Variants in ATP11A observed in about 807,000 individuals in gnomAD.
ATP11A encodes the protein ATPase phospholipid transporting 11A.
Under a neutral mutation model 154.4 loss-of-function variants are expected in ATP11A, and 81 were observed. The ratio of observed to expected loss-of-function variants is 0.52; its 90% CI spans 0.44 to 0.63. The LOEUF (loss-of-function observed/expected upper bound fraction) is 0.63, where lower values mean the gene tolerates loss of function less well. Ranked by LOEUF, ATP11A falls within the 30% of genes least tolerant of loss-of-function variation. The pLI is 0.00. For missense variants in ATP11A, 1,316 were observed against 1,474.3 expected (o/e 0.89, Z 1.76); for synonymous variants, 623 against 585.9 (o/e 1.06, Z -0.91).
chr13:112,789,244 C>T (rs2077759398), intron 2 of ATP11A, among the ~76,000 whole-genome samples: 2 of 149,988 alleles, frequency 1.3e-5, no homozygotes, highest in African/African-American at 5.0e-5. Flanking sequence ...ACTTAATCCA[C>T]ACCGGGTGTC....
chr13:112,831,263 G>A (rs1485344971), intron 12 of ATP11A, 112 bp from the exon 13 acceptor site: 44 of 1,178,720 alleles, frequency 3.7e-5, no homozygotes, highest in East Asian at 1.3e-4. Flanking sequence ...GAAATCCACC[G>A]CCTATTCAAG....
intron 22 of ATP11A, 93 bp downstream of exon 22, chr13:112,858,383 G>T: frequency 1.5e-6 from 2 of 1,324,358 alleles, no homozygotes; most frequent in African/African-American, 2.9e-5. Flanking sequence ...GCCACAAGAG[G>T]TCATTGATCT....
At chr13:112,825,393 T>C in intron 10 of ATP11A, 37 bp from the exon 11 acceptor site, 2 of 1,568,516 alleles carry the variant, frequency 1.3e-6, no homozygotes, top group African/African-American at 2.7e-5. Context: ...GCTCATTTCC[T>C]CAGGGACCAG....
At chr13:112,714,290 C>A (rs556380499) in intron 1 of ATP11A, among the ~76,000 whole-genome samples, 1 of 152,156 alleles carries the variant, frequency 6.6e-6, no homozygotes, top group African/African-American at 2.4e-5. Flanking sequence ...CTCCCGCTGC[C>A]GCTCCAGCTG....
In ATP11A at chr13:112,815,967, A is replaced by G. The variant is rs929717060; in HGVS notation, c.442-116A>G. ...AGAGTCTTTTCCTGAAACCGTGTCC[A>G]CATCCCCGTGTCTTCCTGTGAATAG... is the stretch of plus-strand genomic sequence containing the variant. On this transcript the variant is annotated intron_variant, in intron 5 of 29. Transcript: ENST00000375645. 2.1e-5 allele frequency: 30 copies of G among 1,417,600 alleles called. No homozygotes were observed. In the African/African-American group the frequency reaches 4.0e-4, roughly 19 times the overall value. 87.8% of individuals were successfully genotyped at this position (1,417,600 alleles called of 1,614,324 possible). A position where few individuals can be genotyped will look rare whatever the true frequency, so the allele number is the denominator to read the frequency against.
chr13:112,710,758 G>C (rs921858416), intron 1 of ATP11A, among the ~76,000 whole-genome samples: 1 of 151,940 alleles, frequency 6.6e-6, no homozygotes, highest in African/African-American at 2.4e-5. Context: ...GGCAAATGCT[G>C]ATAGTAATGA....
chr13:112,857,994 C>T, intron 21 of ATP11A, 74 bp downstream of exon 21: 1 of 1,569,528 alleles, frequency 6.4e-7, no homozygotes, highest in Non-Finnish European at 8.8e-7. Context: ...CCCATGGCAG[C>T]ACGCAGGTGC....
chr13:112,699,088 T>C (rs903608421), intron 1 of ATP11A, among the ~76,000 whole-genome samples: 22 of 152,232 alleles, frequency 1.4e-4, no homozygotes, highest in African/African-American at 4.8e-4. Flanking sequence ...AACTGATTTT[T>C]CTATGAATAA....
chr13:112,882,325 T>G lies in ATP11A; in HGVS notation c.*459T>G. Reference sequence around the variant, plus strand: ...TCACCCACCTGCCATCATTGGCCTTTGCTGTCACTGGGAGAGAAGAGCCGT... The same window carrying G: ...TCACCCACCTGCCATCATTGGCCTTGGCTGTCACTGGGAGAGAAGAGCCGT... On this transcript the variant is annotated 3_prime_UTR_variant, in exon 30 of 30. Transcript: ENST00000375645. The surrounding 1 kb of genome is among the most constrained non-coding windows in gnomAD (Gnocchi z 5.1). The G allele has an allele frequency of 2.6e-6, 1 of 379,958 alleles. No homozygotes were observed. Among genetic ancestry groups the G allele is most frequent in the East Asian group, 7.2e-5 (1 of 13,882 alleles). 23.5% of individuals were successfully genotyped at this position (379,958 alleles called of 1,614,324 possible). A position where few individuals can be genotyped will look rare whatever the true frequency, so the allele number is the denominator to read the frequency against.
At chr13:112,869,254 C>T (rs1027893694) in intron 25 of ATP11A, among the ~76,000 whole-genome samples, 2 of 152,220 alleles carry the variant, frequency 1.3e-5, no homozygotes, top group Non-Finnish European at 2.9e-5. Context: ...TCTCAGGGGC[C>T]CTGACCAAGG....
Position 112,826,823 on chromosome 13 carries a change from A to G in ATP11A, c.1153A>G (p.Met385Val), listed in dbSNP as rs765809052. The G allele has an allele frequency of 2.0e-5, 32 of 1,614,028 alleles. No homozygotes were observed. The highest frequency in any genetic ancestry group is 4.4e-5 in the South Asian group (4 of 91,088). ...GSYFITWDED[M>V]FDEETGEGPL... is the part of the protein sequence containing the mutation. ...TTACTTCATCACCTGGGACGAAGAC[A>G]TGTTTGACGAGGAGACTGGCGAGGG... is the stretch of plus-strand genomic sequence containing the variant. The change falls in exon 12 of 30, where the codon ATG (methionine) becomes GTG (valine). Residue 385 changes from methionine (M) to valine (V), a missense_variant. Met to Val is a conservative substitution (Grantham distance 21). This residue lies in a region of ATP11A where 876 missense variants were observed against 1,006.8 expected (regional missense o/e 0.87). Transcript: ENST00000375645.
At chr13:112,729,365 C>G (rs1438859024) in intron 1 of ATP11A, among the ~76,000 whole-genome samples, 1 of 152,246 alleles carries the variant, frequency 6.6e-6, no homozygotes, top group Admixed American at 6.5e-5. Flanking sequence ...CAGCACAGTC[C>G]CCTCGCCTTA....
intron 1 of ATP11A, among the ~76,000 whole-genome samples, chr13:112,772,047 C>A (rs1449868053): frequency 6.6e-6 from 1 of 152,124 alleles, no homozygotes; most frequent in Non-Finnish European, 1.5e-5. Flanking sequence ...GCAGAGTCCT[C>A]CCATGAGAAC....
rs532086164 is a variant in ATP11A at position 112,883,877 on chromosome 13, C to T, written c.*2011C>T. Reference sequence around the variant, plus strand: ...ATGGGCATAAATGTAACACCTGTAGCGGGGGCAGATTCTCTGTATGTTCAG... The same window carrying T: ...ATGGGCATAAATGTAACACCTGTAGTGGGGGCAGATTCTCTGTATGTTCAG... On this transcript the variant is annotated 3_prime_UTR_variant, in exon 30 of 30. Transcript: ENST00000375645. 5 of 152,658 alleles carry T rather than the reference C, an allele frequency of 3.3e-5. No individual in the cohort carries two copies. Among genetic ancestry groups the T allele is most frequent in the South Asian group, 4.2e-4 (2 of 4,816 alleles). 9.5% of individuals were successfully genotyped at this position (152,658 alleles called of 1,614,324 possible). A position where few individuals can be genotyped will look rare whatever the true frequency, so the allele number is the denominator to read the frequency against.
Position 112,882,239 on chromosome 13 carries a change from A to C in ATP11A, c.*373A>C. ...GGGCATTCGGCTCAACGCAGGAGGGACATTCTGCTGGCCCACCCTGCGCGC... is the reference window on the plus strand; with the variant it reads ...GGGCATTCGGCTCAACGCAGGAGGGCCATTCTGCTGGCCCACCCTGCGCGC... On this transcript the variant is annotated 3_prime_UTR_variant, in exon 30 of 30. Transcript: ENST00000375645. The surrounding 1 kb of genome is among the most constrained non-coding windows in gnomAD (Gnocchi z 5.1). The C allele has an allele frequency of 2.6e-6, 2 of 779,000 alleles. No individual in the cohort carries two copies. Among genetic ancestry groups the C allele is most frequent in the Non-Finnish European group, 3.6e-6 (2 of 549,728 alleles). 48.3% of individuals were successfully genotyped at this position (779,000 alleles called of 1,614,324 possible).
chr13:112,811,161 A>ACACACACACACACAC (rs2078484592), intron 5 of ATP11A, among the ~76,000 whole-genome samples: 1 of 115,582 alleles, frequency 8.7e-6, no homozygotes. Flanking sequence ...TGCCCCTTCC[A>ACACACACACACACAC]ACACACACAC....
rs543534724 is a variant in ATP11A, at chr13:112,714,862, C to G, written c.39+24407C>G. Among the ~76,000 whole-genome samples, 143 of 152,346 alleles carry G rather than the reference C, an allele frequency of 9.4e-4. 1 individual carries two copies. The highest frequency in any genetic ancestry group is 3.3e-3 in the African/African-American group (137 of 41,576). On this transcript the variant is annotated intron_variant, in intron 1 of 29. Transcript: ENST00000375645. ...GTGCTTTAGCACGTTCACCTTGTGT[C>G]ACCATCACCACTGCCCCCCCGCAGA... is the stretch of plus-strand genomic sequence containing the variant.
In ATP11A at chr13:112,696,635, T is replaced by C. The variant is rs1354108941; in HGVS notation, c.39+6180T>C. On this transcript the variant is annotated intron_variant, in intron 1 of 29. Transcript: ENST00000375645. This position sits in a 1 kb window ranked among gnomAD's most constrained non-coding sequence, Gnocchi z 6.2. ...ACCGTTTTTCTTAGGTTACCCCGCG[T>C]AGCTGGCCCGTCCTTCCTTCTCCTG... 6.6e-6 allele frequency among the ~76,000 whole-genome samples: 1 copy of C among 152,142 alleles called. No individual in the cohort carries two copies. The highest frequency in any genetic ancestry group is 1.5e-5 in the Non-Finnish European group (1 of 68,014).
At chr13:112,843,027 C>T (rs771133111) in intron 17 of ATP11A, among the ~76,000 whole-genome samples, 4 of 152,194 alleles carry the variant, frequency 2.6e-5, no homozygotes, top group Non-Finnish European at 4.4e-5. Flanking sequence ...GGGGTGGACA[C>T]GCTCCCTCCT....
Sources: allele counts gnomAD v4.1 joint callset (sites outside exome capture counted in the v4.1 genomes callset), GRCh38; gene constraint gnomAD v4.1.1; regional missense constraint gnomAD v4.1.1; non-coding constraint Gnocchi (gnomAD v3.1); transcripts MANE v1.5; gene names NCBI Gene and HGNC (gene_info 2026-07-23, HGNC 2026-07-21).